EFCAB6: variants seen among roughly 807,000 people sequenced by gnomAD.
The protein encoded by EFCAB6 is EF-hand calcium binding domain 6.
A neutral mutation model predicts 169.8 loss-of-function variants in EFCAB6; 156 were observed. That is an observed-to-expected ratio of 0.92 (90% confidence interval 0.81 to 1.05). The LOEUF is 1.05. EFCAB6 is among the 50% of genes least tolerant of loss of function. The pLI is 0.00. For missense variants in EFCAB6, 1,800 were observed against 1,829.1 expected (o/e 0.98, Z 0.29); for synonymous variants, 698 against 676.4 (o/e 1.03, Z -0.50).
chr22:43,535,317 G>T (rs1050592801), intron 29 of EFCAB6: 2 of 156,378 alleles, frequency 1.3e-5, no homozygotes, highest in Non-Finnish European at 2.8e-5. Flanking sequence ...CGGCACCAGA[G>T]ACAGGTTCTC....
chr22:43,678,486 T>C (rs2057871464), intron 12 of EFCAB6, among the ~76,000 whole-genome samples: 1 of 152,054 alleles, frequency 6.6e-6, no homozygotes, highest in African/African-American at 2.4e-5. Flanking sequence ...CCCAGGGGCT[T>C]GAATGGCTTG....
intron 17 of EFCAB6, among the ~76,000 whole-genome samples, chr22:43,666,705 T>TTG (rs2057275515): frequency 2.0e-5 from 3 of 147,794 alleles, no homozygotes; most frequent in Non-Finnish European, 4.5e-5. Context: ...TTTTTTTTTT[T>TTG]TTTTTTTTTT....
At chr22:43,769,800 C>T (rs889802232) in intron 4 of EFCAB6, among the ~76,000 whole-genome samples, 15 of 151,762 alleles carry the variant, frequency 9.9e-5, no homozygotes, top group African/African-American at 3.6e-4. Flanking sequence ...TGCTAGAGTG[C>T]ATTAGCGTGA....
At chr22:43,726,159 TG>T (rs2059718223) in intron 8 of EFCAB6, among the ~76,000 whole-genome samples, 1 of 151,514 alleles carries the variant, frequency 6.6e-6, no homozygotes, top group Non-Finnish European at 1.5e-5. Context: ...TGCCAATTAT[TG>T]ATAAAATGCA....
intron 27 of EFCAB6, among the ~76,000 whole-genome samples, chr22:43,541,088 C>A (rs2047689769): frequency 6.6e-6 from 1 of 152,190 alleles, no homozygotes; most frequent in African/African-American, 2.4e-5. Flanking sequence ...CCCCAAAAAC[C>A]AGACGGAGCC....
intron 28 of EFCAB6, among the ~76,000 whole-genome samples, chr22:43,538,646 C>T (rs1011795210): frequency 8.5e-5 from 13 of 152,192 alleles, no homozygotes; most frequent in African/African-American, 3.1e-4. Flanking sequence ...CTCGGCTTCC[C>T]AAAGTGCTGG....
chr22:43,676,277 T>C (rs1345484322), intron 13 of EFCAB6, among the ~76,000 whole-genome samples: 1 of 150,656 alleles, frequency 6.6e-6, no homozygotes, highest in Non-Finnish European at 1.5e-5. Flanking sequence ...ATTAGCCGGG[T>C]GTGGTGGTAG....
intron 17 of EFCAB6, among the ~76,000 whole-genome samples, chr22:43,660,987 G>A (rs1411896984): frequency 2.0e-5 from 3 of 152,144 alleles, no homozygotes; most frequent in South Asian, 4.1e-4. Flanking sequence ...AAACAATTCA[G>A]ACAAAGAATA....
intron 13 of EFCAB6, among the ~76,000 whole-genome samples, chr22:43,676,725 T>C (rs1279497658): frequency 6.6e-6 from 1 of 152,210 alleles, no homozygotes; most frequent in Non-Finnish European, 1.5e-5. Flanking sequence ...AATTTAAATA[T>C]GACACTTTCG....
intron 26 of EFCAB6, among the ~76,000 whole-genome samples, chr22:43,561,356 C>CAA (rs768942774): frequency 8.0e-4 from 90 of 112,166 alleles, no homozygotes; most frequent in African/African-American, 2.7e-3. Flanking sequence ...GACTCTGTCT[C>CAA]AAAAAAAAAA....
intron 24 of EFCAB6, among the ~76,000 whole-genome samples, chr22:43,587,239 G>A (rs1247991621): frequency 6.6e-6 from 1 of 152,170 alleles, no homozygotes; most frequent in East Asian, 1.9e-4. Flanking sequence ...CTCCGGAGAT[G>A]TTGTTTCTGA....
intron 8 of EFCAB6, among the ~76,000 whole-genome samples, chr22:43,730,659 T>C (rs536483283): frequency 6.6e-6 from 1 of 152,312 alleles, no homozygotes; most frequent in Admixed American, 6.5e-5. Flanking sequence ...AAGAACCCTG[T>C]GGACAGTGGT....
At chr22:43,567,416 C>G (rs544227350) in intron 26 of EFCAB6, among the ~76,000 whole-genome samples, 1 of 152,128 alleles carries the variant, frequency 6.6e-6, no homozygotes, top group African/African-American at 2.4e-5. Flanking sequence ...GCCACTTAAT[C>G]ACATCATTAC....
chr22:43,810,915 G>A (rs2063091253), intron 1 of EFCAB6, among the ~76,000 whole-genome samples: 2 of 152,114 alleles, frequency 1.3e-5, no homozygotes, highest in East Asian at 3.9e-4. Flanking sequence ...CCAGAACTTA[G>A]CCAAGTAAAC....
intron 2 of EFCAB6, among the ~76,000 whole-genome samples, 194 bp from the exon 3 acceptor site, chr22:43,782,519 T>C (rs563645980): frequency 2.6e-5 from 4 of 152,346 alleles, no homozygotes; most frequent in African/African-American, 9.6e-5. Flanking sequence ...CTCCTTGTTT[T>C]CAGCATATCC....
At chr22:43,620,819 T>C (rs899869518) in intron 20 of EFCAB6, among the ~76,000 whole-genome samples, 1 of 152,074 alleles carries the variant, frequency 6.6e-6, no homozygotes, top group Non-Finnish European at 1.5e-5. Flanking sequence ...ACTGATAGAA[T>C]AAGGAGATAG....
At chr22:43,599,180 G>T (rs566041087) in intron 23 of EFCAB6, among the ~76,000 whole-genome samples, 2 of 152,214 alleles carry the variant, frequency 1.3e-5, no homozygotes, top group East Asian at 3.9e-4. Context: ...GCTCTTTCAG[G>T]CTACTCTTTG....
chr22:43,703,952 G>T (rs2058857362), intron 10 of EFCAB6, among the ~76,000 whole-genome samples: 1 of 151,960 alleles, frequency 6.6e-6, no homozygotes, highest in African/African-American at 2.4e-5. Flanking sequence ...CATATTTAAA[G>T]AAATAATGAC....
intron 16 of EFCAB6, among the ~76,000 whole-genome samples, chr22:43,667,602 C>T (rs1392591866): frequency 6.6e-6 from 1 of 151,992 alleles, no homozygotes; most frequent in African/African-American, 2.4e-5. Flanking sequence ...GGCATGTGAC[C>T]GGGCACACAG....
Sources: allele counts gnomAD v4.1 joint callset (sites outside exome capture counted in the v4.1 genomes callset), GRCh38; gene constraint gnomAD v4.1.1; transcripts MANE v1.5; gene names NCBI Gene and HGNC (gene_info 2026-07-23, HGNC 2026-07-21).